The following CDH12 variants were observed in gnomAD, a reference collection of about 807,000 sequenced individuals.
The protein encoded by CDH12 is cadherin-12.
Under a neutral mutation model 74.1 loss-of-function variants are expected in CDH12, and 41 were observed. The ratio of observed to expected loss-of-function variants is 0.55; its 90% CI spans 0.43 to 0.72. CDH12 has a LOEUF of 0.72. Ranked by LOEUF, CDH12 falls within the 30% of genes least tolerant of loss-of-function variation. The pLI is 0.00. For missense variants in CDH12, 945 were observed against 977.2 expected (o/e 0.97, Z 0.44); for synonymous variants, 399 against 355.0 (o/e 1.12, Z -1.39).
intron 3 of CDH12, among the ~76,000 whole-genome samples, chr5:22,382,239 TA>T (rs1402799473): frequency 2.0e-5 from 3 of 146,674 alleles, no homozygotes; most frequent in Non-Finnish European, 3.0e-5. Context: ...TTATATATTA[TA>T]AAATATGTAA....
At chr5:22,706,074 G>A (rs1242442408) in intron 1 of CDH12, among the ~76,000 whole-genome samples, 1 of 152,030 alleles carries the variant, frequency 6.6e-6, no homozygotes, top group African/African-American at 2.4e-5. Flanking sequence ...GTATCTCAAA[G>A]CATTAAATGA....
At position 21,814,464 on chromosome 5, in the gene CDH12, A is replaced by G. The variant is rs191580895; in HGVS notation, c.1002+2481T>C. On this transcript the variant is annotated intron_variant, in intron 9 of 14. Coordinates refer to ENST00000382254, the MANE Select transcript of CDH12 (RefSeq NM_004061.5). ...AATATGTTTTGATATAATAAGATAA[A>G]GGACTATTATTAAACCACGCCTTTT... Among the ~76,000 whole-genome samples the G allele has an allele frequency of 1.1e-3, 170 of 152,018 alleles. 3 individuals are homozygous for G. The highest frequency in any genetic ancestry group is 4.1e-4 in the Non-Finnish European group (28 of 67,916).
chr5:22,478,434 A>AAG (rs1554043813), intron 2 of CDH12, among the ~76,000 whole-genome samples: 5 of 151,256 alleles, frequency 3.3e-5, no homozygotes, highest in Admixed American at 6.6e-5. Flanking sequence ...AAAAAAAAAA[A>AAG]AAAGAAAGAA....
At chr5:22,780,717 A>G (rs561830460) in intron 1 of CDH12, among the ~76,000 whole-genome samples, 1 of 152,282 alleles carries the variant, frequency 6.6e-6, no homozygotes, top group African/African-American at 2.4e-5. Context: ...GCCAAACCAT[A>G]TCAGCTATAA....
At chr5:22,358,407 T>C (rs939625000) in intron 3 of CDH12, among the ~76,000 whole-genome samples, 1 of 151,948 alleles carries the variant, frequency 6.6e-6, no homozygotes, top group African/African-American at 2.4e-5. Flanking sequence ...AGCGAGACTC[T>C]GTCTCCCAGA....
intron 2 of CDH12, among the ~76,000 whole-genome samples, chr5:22,461,580 G>C (rs927287651): frequency 2.0e-5 from 3 of 151,552 alleles, no homozygotes; most frequent in Non-Finnish European, 4.4e-5. Context: ...GTAAGGTACA[G>C]AATAATGTGT....
chr5:22,400,452 A>ATT (rs200864343), intron 3 of CDH12, among the ~76,000 whole-genome samples: 2 of 151,212 alleles, frequency 1.3e-5, no homozygotes, highest in African/African-American at 4.9e-5. Context: ...GCTTGCAGAG[A>ATT]TTTTTTTTTA....
At chr5:22,231,923 G>A (rs1212270040) in intron 3 of CDH12, among the ~76,000 whole-genome samples, 9 of 151,896 alleles carry the variant, frequency 5.9e-5, no homozygotes, top group African/African-American at 2.2e-4. Context: ...TGTGCATGAA[G>A]AAACAGACAC....
intron 1 of CDH12, among the ~76,000 whole-genome samples, chr5:22,670,440 C>T (rs889634684): frequency 6.6e-6 from 1 of 152,152 alleles, no homozygotes; most frequent in Non-Finnish European, 1.5e-5. Flanking sequence ...CCTCTACCAC[C>T]TGCAGATAAC....
chr5:22,671,021 G>A (rs1740872498), intron 1 of CDH12, among the ~76,000 whole-genome samples: 1 of 150,734 alleles, frequency 6.6e-6, no homozygotes, highest in Non-Finnish European at 1.5e-5. Flanking sequence ...TGAAATATAT[G>A]TGTGCATATA....
chr5:22,663,513 G>T (rs533480789), intron 1 of CDH12, among the ~76,000 whole-genome samples: 1 of 152,178 alleles, frequency 6.6e-6, no homozygotes, highest in Admixed American at 6.5e-5. Flanking sequence ...TGTTGCCATA[G>T]GCTATTATGA....
intron 2 of CDH12, among the ~76,000 whole-genome samples, chr5:22,462,691 G>C (rs753269715): frequency 6.6e-6 from 1 of 152,112 alleles, no homozygotes; most frequent in Non-Finnish European, 1.5e-5. Context: ...AACAAATTCT[G>C]CCCATGGGAA....
chr5:22,772,713 G>A, intron 1 of CDH12, among the ~76,000 whole-genome samples: 1 of 152,008 alleles, frequency 6.6e-6, no homozygotes, highest in Admixed American at 6.6e-5. Flanking sequence ...CAGAAACCAT[G>A]CCTGATTTGT....
At chr5:22,734,404 C>T (rs1744582751) in intron 1 of CDH12, among the ~76,000 whole-genome samples, 1 of 151,818 alleles carries the variant, frequency 6.6e-6, no homozygotes, top group Admixed American at 6.6e-5. Context: ...GATATATTTT[C>T]AGAAACTACT....
intron 5 of CDH12, among the ~76,000 whole-genome samples, chr5:21,982,784 T>A (rs1361131731): frequency 6.6e-6 from 1 of 152,170 alleles, no homozygotes; most frequent in Non-Finnish European, 1.5e-5. Context: ...CTTTTTACAC[T>A]AATTAGAACA....
chr5:22,140,750 T>G (rs2150297496), intron 4 of CDH12, among the ~76,000 whole-genome samples: 1 of 152,264 alleles, frequency 6.6e-6, no homozygotes, highest in South Asian at 2.1e-4. Context: ...AGAGTCCCCT[T>G]GGATTTAGGA....
chr5:22,225,754 TA>T (rs1160547216), intron 3 of CDH12, among the ~76,000 whole-genome samples: 1 of 152,084 alleles, frequency 6.6e-6, no homozygotes, highest in Non-Finnish European at 1.5e-5. Flanking sequence ...AGGCCAACCA[TA>T]AAAGTTGGGC....
intron 3 of CDH12, among the ~76,000 whole-genome samples, chr5:22,370,514 C>A (rs1741238353): frequency 1.3e-5 from 2 of 152,070 alleles, no homozygotes; most frequent in African/African-American, 4.8e-5. Context: ...ACATAGGTGC[C>A]TTTTAGAAAC....
chr5:22,143,561 G>A (rs547325039), intron 4 of CDH12: 1 of 151,928 alleles, frequency 6.6e-6, no homozygotes, highest in African/African-American at 2.4e-5. Context: ...TAGAGGCAAG[G>A]TTTCACCATC....
Sources: allele counts gnomAD v4.1 joint callset (sites outside exome capture counted in the v4.1 genomes callset), GRCh38; gene constraint gnomAD v4.1.1; transcripts MANE v1.5; gene names NCBI Gene and HGNC (gene_info 2026-07-23, HGNC 2026-07-21).